Variants in CNTN5 observed in about 807,000 individuals in gnomAD.
CNTN5 encodes contactin 5.
Under a neutral mutation model 129.1 loss-of-function variants are expected in CNTN5, and 77 were observed. The observed-to-expected ratio is 0.60, with a 90% CI of 0.50 to 0.72. The LOEUF (loss-of-function observed/expected upper bound fraction) is 0.72, where lower values mean the gene tolerates loss of function less well. Ranked by LOEUF, CNTN5 falls within the 30% of genes least tolerant of loss-of-function variation. The pLI is 0.00. For missense variants in CNTN5, 1,478 were observed against 1,328.8 expected, an observed-to-expected ratio of 1.11 and a Z score of -1.75; for synonymous variants, 509 against 465.6, an observed-to-expected ratio of 1.09 and a Z score of -1.20.
rs75844845 is a variant in CNTN5, at chr11:99,751,806, C to G, written c.56-67738C>G. Reference sequence around the variant, plus strand: ...TGAAACATAATCCCCAAGGAAACAGCATTCAAATGTGGGGTCTTTACAAGC... The same window carrying G: ...TGAAACATAATCCCCAAGGAAACAGGATTCAAATGTGGGGTCTTTACAAGC... On this transcript the variant is annotated intron_variant, in intron 3 of 24. Transcript: ENST00000524871. 3.7e-3 allele frequency among the ~76,000 whole-genome samples: 565 copies of G among 152,268 alleles called. 13 individuals are homozygous for G. In the South Asian group the frequency reaches 0.053, roughly 14 times the overall value.
chr11:99,791,000 G>T (rs1363267617), intron 3 of CNTN5, among the ~76,000 whole-genome samples: 1 of 151,730 alleles, frequency 6.6e-6, no homozygotes, highest in East Asian at 1.9e-4. Context: ...CCTTTTAATG[G>T]GGTTGTTACT....
chr11:99,274,271 A>T (rs949957415), intron 1 of CNTN5, among the ~76,000 whole-genome samples: 1 of 151,766 alleles, frequency 6.6e-6, no homozygotes, highest in Non-Finnish European at 1.5e-5. Flanking sequence ...TGAATCTATG[A>T]TATCGTGGTG....
chr11:99,709,215 T>C (rs1191275401), intron 3 of CNTN5, among the ~76,000 whole-genome samples: 2 of 151,948 alleles, frequency 1.3e-5, no homozygotes, highest in Admixed American at 1.3e-4. Flanking sequence ...GATGGCAACT[T>C]TGTTCTTAAC....
chr11:99,646,798 A>G (rs186895072), intron 3 of CNTN5, among the ~76,000 whole-genome samples: 1 of 143,402 alleles, frequency 7.0e-6, no homozygotes, highest in African/African-American at 2.5e-5. Flanking sequence ...CACTTCATCA[A>G]TGTCAATTCT....
intron 7 of CNTN5, among the ~76,000 whole-genome samples, chr11:99,933,229 T>A (rs1228380633): frequency 6.6e-6 from 1 of 152,192 alleles, no homozygotes; most frequent in Non-Finnish European, 1.5e-5. Flanking sequence ...ATAGAAAATG[T>A]TATCTTCATT....
At chr11:99,037,088 A>G (rs1403110293) in intron 1 of CNTN5, among the ~76,000 whole-genome samples, 1 of 152,186 alleles carries the variant, frequency 6.6e-6, no homozygotes, top group African/African-American at 2.4e-5. Flanking sequence ...TGGAGATCCA[A>G]TGAAGAGAAG....
chr11:99,842,348 A>G (rs1164541651), intron 4 of CNTN5, among the ~76,000 whole-genome samples: 3 of 152,228 alleles, frequency 2.0e-5, no homozygotes, highest in African/African-American at 7.2e-5. Context: ...TAATTATACT[A>G]CAAGTAAATA....
chr11:99,430,936 C>T (rs1449425546), intron 2 of CNTN5, among the ~76,000 whole-genome samples: 1 of 150,752 alleles, frequency 6.6e-6, no homozygotes, highest in Non-Finnish European at 1.5e-5. Flanking sequence ...AAAAGGTGGC[C>T]TTGCTGTAGA....
intron 6 of CNTN5, among the ~76,000 whole-genome samples, chr11:99,906,749 A>T (rs1591397440): frequency 6.6e-6 from 1 of 152,194 alleles, no homozygotes; most frequent in East Asian, 1.9e-4. Context: ...CACTGGTAGA[A>T]TTCGGCTGTG....
chr11:100,266,815 C>G (rs951200975), intron 17 of CNTN5, among the ~76,000 whole-genome samples: 1 of 151,940 alleles, frequency 6.6e-6, no homozygotes, highest in African/African-American at 2.4e-5. Flanking sequence ...AAGATTCAAG[C>G]AGAATTAATT....
At chr11:100,251,496 G>A (rs918778475) in intron 16 of CNTN5, among the ~76,000 whole-genome samples, 5 of 151,932 alleles carry the variant, frequency 3.3e-5, no homozygotes, top group Admixed American at 1.3e-4. Context: ...ATCCTACAGT[G>A]GTCTATAGCC....
intron 1 of CNTN5, among the ~76,000 whole-genome samples, chr11:99,206,299 T>A (rs1328835460): frequency 6.6e-6 from 1 of 152,006 alleles, no homozygotes; most frequent in Non-Finnish European, 1.5e-5. Context: ...TTAGGAGGTA[T>A]AAGAAAGGAC....
At chr11:99,854,603 T>C (rs564286314) in intron 6 of CNTN5, among the ~76,000 whole-genome samples, 1 of 152,298 alleles carries the variant, frequency 6.6e-6, no homozygotes, top group South Asian at 2.1e-4. Flanking sequence ...TATTGAACAA[T>C]TTATAATGCC....
At chr11:99,820,567 T>A (rs1946768241) in intron 4 of CNTN5, among the ~76,000 whole-genome samples, 1 of 152,288 alleles carries the variant, frequency 6.6e-6, no homozygotes, top group South Asian at 2.1e-4. Context: ...GACAAAATAA[T>A]GCCTGGTTCA....
chr11:100,169,064 G>A (rs1231577672), intron 13 of CNTN5, among the ~76,000 whole-genome samples: 1 of 151,980 alleles, frequency 6.6e-6, no homozygotes, highest in Non-Finnish European at 1.5e-5. Flanking sequence ...GATAAAAGTT[G>A]AAGGGATGAG....
intron 1 of CNTN5, among the ~76,000 whole-genome samples, chr11:99,052,662 T>C (rs1007773521): frequency 6.6e-6 from 1 of 151,890 alleles, no homozygotes; most frequent in Non-Finnish European, 1.5e-5. Flanking sequence ...GGGAACATTT[T>C]TGAAAGAGTA....
chr11:99,443,995 C>T (rs954296465), intron 2 of CNTN5, among the ~76,000 whole-genome samples: 14 of 151,980 alleles, frequency 9.2e-5, no homozygotes, highest in Non-Finnish European at 1.0e-4. Context: ...GTCAGGACTT[C>T]GAGACCAGCC....
At chr11:99,800,610 C>A (rs555148094) in intron 3 of CNTN5, among the ~76,000 whole-genome samples, 1 of 152,100 alleles carries the variant, frequency 6.6e-6, no homozygotes, top group Non-Finnish European at 1.5e-5. Context: ...TCTTTTATGA[C>A]TAAAAGTGCT....
At chr11:100,247,280 G>A (rs1949860960) in intron 16 of CNTN5, among the ~76,000 whole-genome samples, 1 of 152,116 alleles carries the variant, frequency 6.6e-6, no homozygotes, top group South Asian at 2.1e-4. Context: ...AATGATGATG[G>A]TAACAGATGA....
Sources: gnomAD v4.1 joint callset for allele counts (sites outside exome capture counted in the v4.1 genomes callset) on GRCh38, gnomAD v4.1.1 for gene constraint, MANE v1.5 for transcripts, NCBI Gene and HGNC (gene_info 2026-07-23, HGNC 2026-07-21) for gene names.